Variants in KIRREL3 observed in about 807,000 individuals in gnomAD.
The protein encoded by KIRREL3 is kin of IRRE-like protein 3.
Under a neutral mutation model 89.7 loss-of-function variants are expected in KIRREL3, and 36 were observed. The observed-to-expected ratio is 0.40, with a 90% CI of 0.31 to 0.53. KIRREL3 has a LOEUF of 0.53. KIRREL3 is among the 20% of genes least tolerant of loss of function. The probability of loss-of-function intolerance (pLI) is 0.49; values close to 1 mark genes in which losing one functional copy is unlikely to be tolerated. For missense variants in KIRREL3, 864 were observed against 1,056.6 expected (o/e 0.82, Z 2.53); for synonymous variants, 445 against 441.4 (o/e 1.01, Z -0.10).
rs1467575353 is a variant in KIRREL3 at position 126,990,502 on chromosome 11, G to C, written c.55+9953C>G. On this transcript the variant is annotated intron_variant, in intron 1 of 16. Coordinates refer to ENST00000525144, the MANE Select transcript of KIRREL3 (RefSeq NM_032531.4). The surrounding 1 kb of genome is among the most constrained non-coding windows in gnomAD (Gnocchi z 6.3). Reference sequence around the variant, plus strand: ...CCTTCCCCGTCCTAAGGGACCTCCCGGGCTCTGCTCTCTCTGGGCAGGTTC... The same window carrying C: ...CCTTCCCCGTCCTAAGGGACCTCCCCGGCTCTGCTCTCTCTGGGCAGGTTC... Among the ~76,000 whole-genome samples the C allele has an allele frequency of 6.6e-6, 1 of 151,474 alleles. No homozygotes were observed. The highest frequency in any genetic ancestry group is 2.0e-4 in the East Asian group (1 of 4,998).
At chr11:126,658,705 A>G (rs1945265661) in intron 1 of KIRREL3, among the ~76,000 whole-genome samples, 1 of 152,192 alleles carries the variant, frequency 6.6e-6, no homozygotes, top group Non-Finnish European at 1.5e-5. Flanking sequence ...CCATATCAAC[A>G]GCTTCTCCTT....
In KIRREL3 at chr11:126,653,941, G is replaced by C. The variant is rs1039501598; in HGVS notation, c.56-91029C>G. 3.3e-5 allele frequency among the ~76,000 whole-genome samples: 5 copies of C among 152,300 alleles called. No individual in the cohort carries two copies. The highest frequency in any genetic ancestry group is 6.8e-3 in the Middle Eastern group (2 of 294). ...CTGCCTCCATGCGATTCAGGGGAAG[G>C]TGATACCACTTCTGCCTAGAGGGTG... is the stretch of plus-strand genomic sequence containing the variant. On this transcript the variant is annotated intron_variant, in intron 1 of 16. Coordinates refer to ENST00000525144, the MANE Select transcript of KIRREL3 (RefSeq NM_032531.4). The surrounding 1 kb of genome is among the most constrained non-coding windows in gnomAD (Gnocchi z 5.4).
chr11:126,572,548 C>T (rs554561132), intron 1 of KIRREL3, among the ~76,000 whole-genome samples: 1 of 137,166 alleles, frequency 7.3e-6, no homozygotes, highest in African/African-American at 2.8e-5. Context: ...AGCTGACCAG[C>T]AGAGACCCCA....
rs962696264 is a variant in KIRREL3, at chr11:126,957,888, T to C, written c.55+42567A>G. Among the ~76,000 whole-genome samples, 33 of 152,350 alleles carry C rather than the reference T, an allele frequency of 2.2e-4. 2 individuals carry two copies. The highest frequency in any genetic ancestry group is 7.2e-4 in the African/African-American group (30 of 41,590). ...CATCTCAAGGAACTTCTGTTTTCTCTTCTGTAAAATGGTCAGGGTGCCATC... is the reference window on the plus strand; with the variant it reads ...CATCTCAAGGAACTTCTGTTTTCTCCTCTGTAAAATGGTCAGGGTGCCATC... On this transcript the variant is annotated intron_variant, in intron 1 of 16. Transcript: ENST00000525144.
intron 1 of KIRREL3, chr11:126,936,040 T>G (rs1272866962): frequency 6.6e-6 from 1 of 152,166 alleles, no homozygotes; most frequent in Non-Finnish European, 1.5e-5. Flanking sequence ...AGCCTAAAGC[T>G]GCTCTAAAAA....
chr11:126,724,309 C>T lies in KIRREL3; in HGVS notation c.56-161397G>A, dbSNP rs1363629712. 3.3e-5 allele frequency among the ~76,000 whole-genome samples: 5 copies of T among 152,228 alleles called. No homozygotes were observed. The highest frequency in any genetic ancestry group is 5.9e-5 in the Non-Finnish European group (4 of 68,046). The stretch of plus-strand genomic sequence containing the variant: ...TTTCAAACACCTGTGCTGTAATATG[C>T]TAACCTGATCCTAAGACAGGCCCCA... On this transcript the variant is annotated intron_variant, in intron 1 of 16. Coordinates refer to ENST00000525144, the MANE Select transcript of KIRREL3 (RefSeq NM_032531.4). This position sits in a 1 kb window ranked among gnomAD's most constrained non-coding sequence, Gnocchi z 4.3.
At chr11:126,663,328 G>A (rs575252254) in intron 1 of KIRREL3, among the ~76,000 whole-genome samples, 1 of 151,854 alleles carries the variant, frequency 6.6e-6, no homozygotes, top group South Asian at 2.1e-4. Flanking sequence ...TGGGACTACA[G>A]GTGCATGCCA....
chr11:126,783,971 C>T lies in KIRREL3; in HGVS notation c.55+216484G>A, dbSNP rs1950404977. ...AACAGCACTTGTCTTTGTGGTCTTC[C>T]CCCTCGACCTCAGTGTAATCTTGAA... On this transcript the variant is annotated intron_variant, in intron 1 of 16. Coordinates refer to ENST00000525144, the MANE Select transcript of KIRREL3 (RefSeq NM_032531.4). This position sits in a 1 kb window ranked among gnomAD's most constrained non-coding sequence, Gnocchi z 4.3. Among the ~76,000 whole-genome samples, 1 of 152,182 alleles carries T rather than the reference C, an allele frequency of 6.6e-6. No individual in the cohort carries two copies. Among genetic ancestry groups the T allele is most frequent in the Admixed American group, 6.5e-5 (1 of 15,280 alleles).
rs1439486026 is a variant in KIRREL3, at chr11:126,768,759, G to A, written c.56-205847C>T. On this transcript the variant is annotated intron_variant, in intron 1 of 16. Coordinates refer to ENST00000525144, the MANE Select transcript of KIRREL3 (RefSeq NM_032531.4). The surrounding 1 kb of genome is among the most constrained non-coding windows in gnomAD (Gnocchi z 4.5). ...GTGAGAATGACCCAGGTGCCTTCAGGAATAGAAGGAAGGTCACTGTGGCTA... is the reference window on the plus strand; with the variant it reads ...GTGAGAATGACCCAGGTGCCTTCAGAAATAGAAGGAAGGTCACTGTGGCTA... Among the ~76,000 whole-genome samples the A allele has an allele frequency of 6.6e-6, 1 of 152,168 alleles. No individual in the cohort carries two copies. The highest frequency in any genetic ancestry group is 2.4e-5 in the African/African-American group (1 of 41,434).
At chr11:126,539,992 G>A (rs1938226618) in intron 2 of KIRREL3, among the ~76,000 whole-genome samples, 1 of 152,214 alleles carries the variant, frequency 6.6e-6, no homozygotes, top group Admixed American at 6.5e-5. Context: ...TCTAAATCTT[G>A]TTGAGGTTTG....
chr11:126,638,398 G>T (rs1167421292), intron 1 of KIRREL3, among the ~76,000 whole-genome samples: 1 of 152,162 alleles, frequency 6.6e-6, no homozygotes, highest in Non-Finnish European at 1.5e-5. Context: ...TCTCCTTAGG[G>T]CACCCAGGAA....
intron 1 of KIRREL3, among the ~76,000 whole-genome samples, chr11:126,846,656 A>AAAAAC (rs56290943): frequency 0.85 from 127,863 of 150,940 alleles, 54,358 homozygotes; most frequent in East Asian, 1. Flanking sequence ...TGAGACTACT[A>AAAAAC]AAAACAAAAC....
intron 1 of KIRREL3, among the ~76,000 whole-genome samples, chr11:126,602,382 G>A (rs1002265058): frequency 6.6e-6 from 1 of 152,146 alleles, no homozygotes; most frequent in African/African-American, 2.4e-5. Context: ...TTTCCACCTG[G>A]GCCCCAGAAG....
rs1317099305 is a variant in KIRREL3 at position 126,955,100 on chromosome 11, G to T, written c.55+45355C>A. 1.3e-5 allele frequency among the ~76,000 whole-genome samples: 2 copies of T among 152,200 alleles called. No individual in the cohort carries two copies. Among genetic ancestry groups the T allele is most frequent in the Non-Finnish European group, 2.9e-5 (2 of 68,044 alleles). ...TGCCCTGAAGGCCACATCTGCCTGAGGGGGTACTGCTGCAGGCGTGTGGCT... is the reference window on the plus strand; with the variant it reads ...TGCCCTGAAGGCCACATCTGCCTGATGGGGTACTGCTGCAGGCGTGTGGCT... On this transcript the variant is annotated intron_variant, in intron 1 of 16. Coordinates refer to ENST00000525144, the MANE Select transcript of KIRREL3 (RefSeq NM_032531.4). The surrounding 1 kb of genome is among the most constrained non-coding windows in gnomAD (Gnocchi z 4.6).
At chr11:126,692,093 C>T (rs1395517417) in intron 1 of KIRREL3, among the ~76,000 whole-genome samples, 1 of 152,138 alleles carries the variant, frequency 6.6e-6, no homozygotes, top group African/African-American at 2.4e-5. Flanking sequence ...GGTGCAACTG[C>T]TATGGATAAC....
rs1480178960 is a variant in KIRREL3, at chr11:126,943,471, G to T, written c.55+56984C>A. ...ACAAATAGAATTGCCTAGATGTGAT[G>T]GCTTTGCCCATTAGGAGTGTACAAG... On this transcript the variant is annotated intron_variant, in intron 1 of 16. Transcript: ENST00000525144. The surrounding 1 kb of genome is among the most constrained non-coding windows in gnomAD (Gnocchi z 4.2). Among the ~76,000 whole-genome samples the T allele has an allele frequency of 6.6e-6, 1 of 152,222 alleles. No individual in the cohort carries two copies. Among genetic ancestry groups the T allele is most frequent in the African/African-American group, 2.4e-5 (1 of 41,446 alleles).
chr11:126,545,557 G>A (rs1002528566), intron 2 of KIRREL3, among the ~76,000 whole-genome samples: 2 of 151,834 alleles, frequency 1.3e-5, no homozygotes, highest in African/African-American at 2.4e-5. Context: ...GATTGCTTGA[G>A]CCCAGGAGTT....
chr11:126,923,989 G>A (rs1300020897), intron 1 of KIRREL3, among the ~76,000 whole-genome samples: 1 of 152,168 alleles, frequency 6.6e-6, no homozygotes, highest in Admixed American at 6.5e-5. Context: ...TAAGCCAGAG[G>A]CTAGAGCATC....
intron 11 of KIRREL3, 23 bp from the exon 12 acceptor site, chr11:126,437,032 G>T (rs1371453657): frequency 1.3e-6 from 2 of 1,496,874 alleles, no homozygotes; most frequent in East Asian, 4.9e-5. Flanking sequence ...GCAGAATCAG[G>T]AGGAGACCCC....
Sources: allele counts gnomAD v4.1 joint callset (sites outside exome capture counted in the v4.1 genomes callset), GRCh38; gene constraint gnomAD v4.1.1; non-coding constraint Gnocchi (gnomAD v3.1); transcripts MANE v1.5; gene names NCBI Gene and HGNC (gene_info 2026-07-23, HGNC 2026-07-21).